GABBR2: variants seen among roughly 807,000 people sequenced by gnomAD.
GABBR2 encodes G-protein coupled receptor 51.
GABBR2 carries 23 observed loss-of-function variants against 105.6 expected under a neutral mutation model. That is an observed-to-expected ratio of 0.22 (90% CI 0.16 to 0.31). The LOEUF (loss-of-function observed/expected upper bound fraction) is 0.31. Ranked by LOEUF, GABBR2 falls within the 10% of genes least tolerant of loss-of-function variation. The probability of loss-of-function intolerance (pLI) is 1.00; values close to 1 mark genes in which losing one functional copy is unlikely to be tolerated. For synonymous variants in GABBR2, 478 were observed against 499.7 expected, an observed-to-expected ratio of 0.96 and a Z score of 0.58; for missense variants, 734 against 1,245.5, an observed-to-expected ratio of 0.59 and a Z score of 6.18.
chr9:98,322,326 A>G (rs1830838208), intron 13 of GABBR2, among the ~76,000 whole-genome samples: 1 of 151,920 alleles, frequency 6.6e-6, no homozygotes, highest in African/African-American at 2.4e-5. Flanking sequence ...TCATTCTTCA[A>G]TGCCCACCCT....
chr9:98,520,046 T>A (rs1827835759), intron 3 of GABBR2, among the ~76,000 whole-genome samples: 1 of 152,170 alleles, frequency 6.6e-6, no homozygotes, highest in African/African-American at 2.4e-5. Flanking sequence ...TGGGCTACCT[T>A]GGGTGAGTAA....
At position 98,425,500 on chromosome 9, in the gene GABBR2, G is replaced by C. The variant is rs114801065; in HGVS notation, c.1237-19359C>G. On this transcript the variant is annotated intron_variant, in intron 7 of 18. Transcript: ENST00000259455. Reference sequence around the variant, plus strand: ...TTGTGATCAGTCTCTTCTGGGCCACGCACTGTGCTGGGCTCTAGGTATAAC... The same window carrying C: ...TTGTGATCAGTCTCTTCTGGGCCACCCACTGTGCTGGGCTCTAGGTATAAC... Among the ~76,000 whole-genome samples, 869 of 152,224 alleles carry C rather than the reference G, an allele frequency of 5.7e-3. 11 individuals are homozygous for C. The highest frequency in any genetic ancestry group is 0.02 in the African/African-American group (823 of 41,526).
chr9:98,560,478 CAT>C (rs1371247183), intron 2 of GABBR2, among the ~76,000 whole-genome samples: 3 of 132,964 alleles, frequency 2.3e-5, no homozygotes, highest in South Asian at 2.4e-4. Context: ...CACACACACA[CAT>C]ATACACACAC....
intron 1 of GABBR2, among the ~76,000 whole-genome samples, chr9:98,701,473 A>G (rs1169277899): frequency 6.6e-6 from 1 of 152,142 alleles, no homozygotes; most frequent in Non-Finnish European, 1.5e-5. Flanking sequence ...ATGTAGTGCC[A>G]CCTCAGTCCT....
At chr9:98,545,947 CA>C (rs1218295825) in intron 2 of GABBR2, among the ~76,000 whole-genome samples, 1 of 152,188 alleles carries the variant, frequency 6.6e-6, no homozygotes, top group African/African-American at 2.4e-5. Flanking sequence ...CCTTGTTTCG[CA>C]TAACCAAGTT....
chr9:98,616,041 G>T (rs1479263666), intron 1 of GABBR2, among the ~76,000 whole-genome samples: 1 of 152,218 alleles, frequency 6.6e-6, no homozygotes, highest in Non-Finnish European at 1.5e-5. Context: ...CACGTAGAAA[G>T]CTGATAAATT....
At chr9:98,440,258 C>G (rs1826006411) in intron 7 of GABBR2, among the ~76,000 whole-genome samples, 1 of 152,218 alleles carries the variant, frequency 6.6e-6, no homozygotes, top group Admixed American at 6.5e-5. Context: ...AGAGCATGCT[C>G]TCTGACAAAC....
At chr9:98,688,074 C>A (rs1830641954) in intron 1 of GABBR2, among the ~76,000 whole-genome samples, 1 of 152,156 alleles carries the variant, frequency 6.6e-6, no homozygotes, top group Admixed American at 6.5e-5. Context: ...CTCCCCTGCC[C>A]TCCAGAGATC....
chr9:98,464,553 T>C (rs2808549), intron 6 of GABBR2, among the ~76,000 whole-genome samples: 78,672 of 147,092 alleles, frequency 0.53, 20,787 homozygotes, highest in Middle Eastern at 0.57. Flanking sequence ...CCGGCCGCCC[T>C]GTCTGGGAAG....
intron 13 of GABBR2, among the ~76,000 whole-genome samples, chr9:98,324,507 C>CACAT (rs1830884823): frequency 1.7e-5 from 1 of 58,754 alleles, no homozygotes; most frequent in South Asian, 8.2e-4. Context: ...CACACACACA[C>CACAT]ACACACACAC....
chr9:98,485,270 G>T (rs1250733123), intron 4 of GABBR2, among the ~76,000 whole-genome samples: 1 of 152,140 alleles, frequency 6.6e-6, no homozygotes, highest in African/African-American at 2.4e-5. Flanking sequence ...AAAAGTGGAA[G>T]GAAACAGCGG....
In GABBR2 at chr9:98,429,330, C is replaced by G. The variant is rs181171895; in HGVS notation, c.1237-23189G>C. Among the ~76,000 whole-genome samples the G allele has an allele frequency of 2.6e-5, 4 of 151,918 alleles. No individual in the cohort carries two copies. The South Asian group carries it at 8.3e-4, about 32-fold the overall frequency. The stretch of plus-strand genomic sequence containing the variant: ...AATTGTTGTATTTTTAGTAGAGGAC[C>G]GGGTTTCACCATGCTGGCCAGGCTG... On this transcript the variant is annotated intron_variant, in intron 7 of 18. Transcript: ENST00000259455.
intron 2 of GABBR2, among the ~76,000 whole-genome samples, chr9:98,553,213 T>C (rs150271917): frequency 2.8e-4 from 37 of 129,992 alleles, no homozygotes; most frequent in African/African-American, 8.9e-4. Flanking sequence ...TGACAATTTG[T>C]AAGGGAGACA....
In GABBR2 at chr9:98,464,861, G is replaced by T. The variant is rs1826512179; in HGVS notation, c.999+8285C>A. On this transcript the variant is annotated intron_variant, in intron 6 of 18. Transcript: ENST00000259455. ...TGAAACATGTGCTGTGTCAACTCAG[G>T]GTTAAATGGATTAAGGGCGGTGCAA... Among the ~76,000 whole-genome samples, 4 of 151,956 alleles carry T rather than the reference G, an allele frequency of 2.6e-5. No homozygotes were observed. The South Asian group carries it at 8.3e-4, about 32-fold the overall frequency.
chr9:98,357,154 T>C (rs1831498465), intron 13 of GABBR2, among the ~76,000 whole-genome samples: 1 of 152,220 alleles, frequency 6.6e-6, no homozygotes, highest in South Asian at 2.1e-4. Context: ...AACTATGGAC[T>C]GTAGTGACGA....
chr9:98,686,231 C>T (rs1466719416), intron 1 of GABBR2, among the ~76,000 whole-genome samples: 1 of 152,120 alleles, frequency 6.6e-6, no homozygotes, highest in African/African-American at 2.4e-5. Flanking sequence ...CCAGAATCGT[C>T]CCTTACCCCT....
At chr9:98,473,073 T>G in intron 6 of GABBR2, 73 bp downstream of exon 6, 2 of 1,133,174 alleles carry the variant, frequency 1.8e-6, no homozygotes, top group Non-Finnish European at 2.6e-6. Context: ...ATGTGCTCTT[T>G]TGGCCAATGT....
chr9:98,438,085 TATCC>T (rs57464910), intron 7 of GABBR2, among the ~76,000 whole-genome samples: 116,785 of 149,228 alleles, frequency 0.78, 45,756 homozygotes, highest in East Asian at 0.89. Flanking sequence ...TCCACACATC[TATCC>T]ATCCATCCAT....
intron 4 of GABBR2, among the ~76,000 whole-genome samples, chr9:98,482,107 C>A (rs1364071344): frequency 6.6e-6 from 1 of 152,244 alleles, no homozygotes; most frequent in Non-Finnish European, 1.5e-5. Flanking sequence ...TGAGGCCCAG[C>A]CTTGCAGGTG....
Sources: allele counts gnomAD v4.1 joint callset (sites outside exome capture counted in the v4.1 genomes callset), GRCh38; gene constraint gnomAD v4.1.1; transcripts MANE v1.5; gene names NCBI Gene and HGNC (gene_info 2026-07-23, HGNC 2026-07-21).